The following NAA11 variants were observed in gnomAD, a reference collection of about 807,000 sequenced individuals.
NAA11 encodes N-alpha-acetyltransferase 11.
Under a neutral mutation model 16.1 loss-of-function variants are expected in NAA11, and 15 were observed. The observed-to-expected ratio is 0.93, with a 90% confidence interval of 0.62 to 1.44. The LOEUF is 1.44. Among genes scored for constraint, NAA11 ranks in the 40% most tolerant of loss-of-function variants. The pLI, the probability that NAA11 is intolerant of heterozygous loss-of-function variation, is 0.00. For synonymous variants in NAA11, 122 were observed against 112.4 expected (o/e 1.09, Z -0.54); for missense variants, 298 against 291.3 (o/e 1.02, Z -0.17).
chr4:79,233,339 A>G (rs28400290), intron 2 of NAA11, among the ~76,000 whole-genome samples: 303 of 152,132 alleles, frequency 2.0e-3, no homozygotes, highest in African/African-American at 6.5e-3. Context: ...TAATTTAGCT[A>G]TGTGACCATA....
At chr4:79,209,487 C>T in the NAA11 span, among the ~76,000 whole-genome samples, 64 of 152,240 alleles carry the variant, frequency 4.2e-4, no homozygotes, top group Admixed American at 2.0e-3. Context: ...AAAGTTAATA[C>T]ATCCACTGAA....
chr4:79,191,031 C>T, the NAA11 span, among the ~76,000 whole-genome samples: 1 of 152,160 alleles, frequency 6.6e-6, no homozygotes, highest in African/African-American at 2.4e-5. Context: ...CATAGTATTC[C>T]ATGGTGTATA....
At chr4:79,196,189 C>G in the NAA11 span, among the ~76,000 whole-genome samples, 1 of 151,912 alleles carries the variant, frequency 6.6e-6, no homozygotes, top group Non-Finnish European at 1.5e-5. Flanking sequence ...AGGTTTGTGC[C>G]CTTCATTTCC....
At chr4:79,172,357 C>T in the NAA11 span, among the ~76,000 whole-genome samples, 2 of 151,992 alleles carry the variant, frequency 1.3e-5, no homozygotes, top group Non-Finnish European at 2.9e-5. Context: ...ATTAATAAGA[C>T]CCCCAATTGT....
intron 1 of NAA11, among the ~76,000 whole-genome samples, chr4:79,324,458 C>G (rs1314488571): frequency 2.0e-5 from 3 of 152,100 alleles, no homozygotes; most frequent in African/African-American, 7.2e-5. Flanking sequence ...AATGCTTCAT[C>G]TTTTTTTGTG....
the NAA11 span, among the ~76,000 whole-genome samples, chr4:79,190,543 C>G: frequency 6.6e-6 from 1 of 151,954 alleles, no homozygotes; most frequent in Non-Finnish European, 1.5e-5. Flanking sequence ...AAAGTGATCC[C>G]TTCATTCACC....
intron 2 of NAA11, among the ~76,000 whole-genome samples, chr4:79,277,754 TA>T (rs1416949505): frequency 6.6e-6 from 1 of 151,986 alleles, no homozygotes; most frequent in Non-Finnish European, 1.5e-5. Flanking sequence ...CAATCGGAAT[TA>T]GTTTAGCCTG....
the NAA11 span, among the ~76,000 whole-genome samples, chr4:79,202,447 G>T: frequency 6.8e-6 from 1 of 148,142 alleles, no homozygotes; most frequent in African/African-American, 2.5e-5. Flanking sequence ...TGGACCTAAG[G>T]TCTTTGATTT....
At chr4:79,202,250 G>A in the NAA11 span, among the ~76,000 whole-genome samples, 5 of 151,446 alleles carry the variant, frequency 3.3e-5, no homozygotes, top group Non-Finnish European at 7.4e-5. Context: ...TGTATACAAT[G>A]TAATACTATC....
the NAA11 span, among the ~76,000 whole-genome samples, chr4:79,193,543 C>T: frequency 5.9e-5 from 9 of 152,114 alleles, no homozygotes; most frequent in African/African-American, 1.7e-4. Flanking sequence ...TGTAGATATG[C>T]AGCATTATTT....
At chr4:79,318,693 T>C (rs1202471879) in intron 1 of NAA11, among the ~76,000 whole-genome samples, 1 of 152,170 alleles carries the variant, frequency 6.6e-6, no homozygotes, top group Non-Finnish European at 1.5e-5. Flanking sequence ...ACACAAGATA[T>C]GGAGGAACAG....
At chr4:79,294,824 T>A (rs964001590) in intron 1 of NAA11, among the ~76,000 whole-genome samples, 1 of 152,190 alleles carries the variant, frequency 6.6e-6, no homozygotes, top group Non-Finnish European at 1.5e-5. Context: ...TTGTATACTC[T>A]TACTTATATT....
intron 2 of NAA11, chr4:79,244,632 C>CCCGATCT (rs1721764568): frequency 3.7e-5 from 1 of 27,138 alleles, no homozygotes; most frequent in Admixed American, 3.8e-4. Context: ...CCCTCCCCCT[C>CCCGATCT]CCCCTCCCCG....
chr4:79,181,305 A>G, the NAA11 span, among the ~76,000 whole-genome samples: 1 of 151,620 alleles, frequency 6.6e-6, no homozygotes, highest in Admixed American at 6.6e-5. Flanking sequence ...GGCAAAGATG[A>G]AGCAGCTAGG....
At chr4:79,198,776 G>A in the NAA11 span, among the ~76,000 whole-genome samples, 1 of 151,922 alleles carries the variant, frequency 6.6e-6, no homozygotes, top group Non-Finnish European at 1.5e-5. Context: ...TTAAGAGCAT[G>A]TGCACATTGA....
chr4:79,223,492 T>C (rs1301695928), downstream of NAA11, among the ~76,000 whole-genome samples: 1 of 103,998 alleles, frequency 9.6e-6, no homozygotes, highest in African/African-American at 3.8e-5. Context: ...CTGGGGACTG[T>C]TGTGGGGTGG....
chr4:79,159,522 T>A, the NAA11 span, among the ~76,000 whole-genome samples: 10 of 152,222 alleles, frequency 6.6e-5, no homozygotes, highest in Non-Finnish European at 1.2e-4. Flanking sequence ...TACAGTTCAG[T>A]GATTTTTAAT....
At chr4:79,318,350 G>A (rs1723989698) in intron 1 of NAA11, among the ~76,000 whole-genome samples, 1 of 152,008 alleles carries the variant, frequency 6.6e-6, no homozygotes, top group Non-Finnish European at 1.5e-5. Flanking sequence ...AATTACATCA[G>A]GTAAGAGGAA....
At chr4:79,307,615 G>A (rs982004624) in intron 1 of NAA11, among the ~76,000 whole-genome samples, 2 of 152,116 alleles carry the variant, frequency 1.3e-5, no homozygotes, top group Admixed American at 6.5e-5. Context: ...ATAATGAGAC[G>A]AAGGTAAAAC....
Sources: gnomAD v4.1 joint callset for allele counts (sites outside exome capture counted in the v4.1 genomes callset) on GRCh38, gnomAD v4.1.1 for gene constraint, MANE v1.5 for transcripts, NCBI Gene and HGNC (gene_info 2026-07-23, HGNC 2026-07-21) for gene names.